Variants in POTEJ observed in about 807,000 individuals in gnomAD.
POTEJ encodes the protein POTE ankyrin domain family, member J.
A neutral mutation model predicts 69.0 loss-of-function variants in POTEJ; 11 were observed. That is an observed-to-expected ratio of 0.16 (90% confidence interval 0.10 to 0.26). POTEJ has a LOEUF of 0.26. Ranked by LOEUF, POTEJ falls within the 10% of genes least tolerant of loss-of-function variation. POTEJ has a pLI of 1.00. For synonymous variants in POTEJ, 117 were observed against 381.1 expected (o/e 0.31, Z 8.07); for missense variants, 327 against 1,045.5 (o/e 0.31, Z 9.48).
At chr2:130,618,554 C>A (rs1685446128) in intron 3 of POTEJ, among the ~76,000 whole-genome samples, 1 of 147,434 alleles carries the variant, frequency 6.8e-6, no homozygotes. Flanking sequence ...GCCTGGTCAA[C>A]ATAATGAGAC....
At chr2:130,634,860 G>A (rs1276041272) in intron 9 of POTEJ, among the ~76,000 whole-genome samples, 40 of 152,018 alleles carry the variant, frequency 2.6e-4, no homozygotes, top group African/African-American at 9.2e-4. Context: ...TCTCACACCG[G>A]CGTCTTCAAT....
intron 10 of POTEJ, among the ~76,000 whole-genome samples, chr2:130,640,801 G>C (rs1573989094): frequency 6.6e-6 from 1 of 152,326 alleles, no homozygotes; most frequent in South Asian, 2.1e-4. Flanking sequence ...TTCTGAGGCT[G>C]AGGAGGGGGA....
chr2:130,613,200 AT>A (rs541918613), intron 1 of POTEJ, among the ~76,000 whole-genome samples: 957 of 146,940 alleles, frequency 6.5e-3, no homozygotes, highest in Admixed American at 0.01. Flanking sequence ...ACCAGAAAAA[AT>A]ATAAATGCCT....
At chr2:130,625,415 A>T (rs1196394256) in intron 6 of POTEJ, among the ~76,000 whole-genome samples, 3 of 151,694 alleles carry the variant, frequency 2.0e-5, no homozygotes, top group Non-Finnish European at 4.4e-5. Flanking sequence ...TTACTACTTT[A>T]TTCAGTGCTT....
rs972621564 is a variant in POTEJ, at chr2:130,633,119, C to T, written c.1298+463C>T. 5.6e-5 allele frequency among the ~76,000 whole-genome samples: 8 copies of T among 143,988 alleles called. 1 individual carries two copies. The highest frequency in any genetic ancestry group is 6.5e-3 in the Middle Eastern group (2 of 306). The allele number at this position is 143,988 out of a possible 152,430, so 94.5% of individuals were successfully genotyped here. ...ATGAGTTCTCATTATTTAGTTCCCA[C>T]TAATGAGTAAGAATATGTGGCATTT... On this transcript the variant is annotated intron_variant, in intron 9 of 14. Coordinates refer to ENST00000409602, the MANE Select transcript of POTEJ (RefSeq NM_001277083.2).
chr2:130,631,719 A>G (rs1425340581), intron 8 of POTEJ, among the ~76,000 whole-genome samples: 1 of 141,868 alleles, frequency 7.0e-6, no homozygotes, highest in African/African-American at 2.8e-5. Flanking sequence ...CTTTGGACCA[A>G]TCATTTTATC....
chr2:130,649,692 C>T (rs1220294095), intron 13 of POTEJ, among the ~76,000 whole-genome samples: 1 of 151,734 alleles, frequency 6.6e-6, no homozygotes, highest in East Asian at 1.9e-4. Flanking sequence ...GGCATGTTAC[C>T]TCTCCTGCTG....
chr2:130,656,827 C>A lies in POTEJ; in HGVS notation c.2067C>A (p.Ala689=), dbSNP rs758245783. 6.2e-6 allele frequency: 10 copies of A among 1,604,454 alleles called. No individual in the cohort carries two copies. The East Asian group carries it at 1.8e-4, about 29-fold the overall frequency. ...MCKAGFAGDD[A]PRAVFPSIVG... is the part of the protein sequence containing the mutation. The stretch of plus-strand genomic sequence containing the variant: ...AGGCCGGCTTTGCGGGCGACGATGC[C>A]CCCCGGGCTGTCTTCCCTTCCATCG... The change falls in exon 15 of 15, where the codon GCC becomes GCA. Residue 689 remains alanine, a synonymous_variant. Coordinates refer to ENST00000409602, the MANE Select transcript of POTEJ (RefSeq NM_001277083.2).
rs185697626 is a variant in POTEJ, at chr2:130,632,822, C to T, written c.1298+166C>T. Among the ~76,000 whole-genome samples, 41 of 143,620 alleles carry T rather than the reference C, an allele frequency of 2.9e-4. No homozygotes were observed. In the East Asian group the frequency reaches 7.9e-3, roughly 28 times the overall value. 94.2% of individuals were successfully genotyped at this position (143,620 alleles called of 152,430 possible). A position where few individuals can be genotyped will look rare whatever the true frequency, so the allele number is the denominator to read the frequency against. ...AGCGAACAATGAGTTACCATTTTTC[C>T]AGTCATTAATTTATTTGAAAAATAA... On this transcript the variant is annotated intron_variant, in intron 9 of 14. Transcript: ENST00000409602.
chr2:130,639,755 C>G (rs1392131650), intron 10 of POTEJ, among the ~76,000 whole-genome samples: 2 of 151,838 alleles, frequency 1.3e-5, no homozygotes, highest in African/African-American at 2.4e-5. Flanking sequence ...AAGGTGCTCA[C>G]AACAGAAGTG....
At chr2:130,628,976 C>T (rs778886300) in intron 6 of POTEJ, among the ~76,000 whole-genome samples, 5,791 of 139,294 alleles carry the variant, frequency 0.042, 61 homozygotes, top group Non-Finnish European at 0.06. Context: ...GCTGAGATTG[C>T]GACACTGCAC....
rs1407577171 is a variant in POTEJ, at chr2:130,637,361, G to A, written c.1299-1258G>A. 2.6e-5 allele frequency among the ~76,000 whole-genome samples: 4 copies of A among 150,960 alleles called. No individual in the cohort carries two copies. The East Asian group carries it at 7.7e-4, about 29-fold the overall frequency. On this transcript the variant is annotated intron_variant, in intron 9 of 14. Transcript: ENST00000409602. ...AGATGGAGTCTCGCTGTATCGCCCA[G>A]GCTGGAGTGCAGTGGCGCGATCTCA...
intron 10 of POTEJ, among the ~76,000 whole-genome samples, chr2:130,639,297 G>A (rs1235615958): frequency 6.6e-6 from 1 of 152,308 alleles, no homozygotes; most frequent in Non-Finnish European, 1.5e-5. Context: ...AGGAATTTTT[G>A]TTCACAAAAG....
intron 1 of POTEJ, among the ~76,000 whole-genome samples, chr2:130,614,152 A>G (rs1238986964): frequency 8.3e-6 from 1 of 120,200 alleles, no homozygotes; most frequent in Non-Finnish European, 1.7e-5. Flanking sequence ...GTGAGACTCC[A>G]TCTCAAAAAA....
chr2:130,636,956 G>C lies in POTEJ; in HGVS notation c.1299-1663G>C, dbSNP rs1686115310. Among the ~76,000 whole-genome samples, 2 of 146,636 alleles carry C rather than the reference G, an allele frequency of 1.4e-5. 1 individual carries two copies. Among genetic ancestry groups the C allele is most frequent in the Non-Finnish European group, 3.1e-5 (2 of 65,372 alleles). ...TAACCGGGTGTGGTGGCATGCGCCT[G>C]TAGTCCCAGCTGCTATGGAGGCTGA... On this transcript the variant is annotated intron_variant, in intron 9 of 14. Coordinates refer to ENST00000409602, the MANE Select transcript of POTEJ (RefSeq NM_001277083.2).
At chr2:130,628,842 A>T in intron 6 of POTEJ, among the ~76,000 whole-genome samples, 1 of 149,898 alleles carries the variant, frequency 6.7e-6, no homozygotes, top group Non-Finnish European at 1.5e-5. Context: ...CAATGGTGAA[A>T]CCCCATCTCT....
intron 9 of POTEJ, among the ~76,000 whole-genome samples, chr2:130,638,019 A>G (rs541557415): frequency 6.7e-6 from 1 of 148,210 alleles, no homozygotes; most frequent in East Asian, 1.9e-4. Flanking sequence ...AGCCATAAAG[A>G]GTAGGACAGC....
At chr2:130,624,754 C>G (rs1269788961) in intron 6 of POTEJ, among the ~76,000 whole-genome samples, 668 of 151,818 alleles carry the variant, frequency 4.4e-3, no homozygotes, top group Non-Finnish European at 9.7e-4. Context: ...CAAAAGAACA[C>G]TGAAGCACAA....
chr2:130,623,873 T>C (rs1311695293), intron 5 of POTEJ, among the ~76,000 whole-genome samples, 191 bp from the exon 6 acceptor site: 3 of 127,364 alleles, frequency 2.4e-5, no homozygotes, highest in African/African-American at 3.5e-5. Context: ...GTATTTCACC[T>C]TACATTTTTT....
Sources: gnomAD v4.1 joint callset for allele counts (sites outside exome capture counted in the v4.1 genomes callset) on GRCh38, gnomAD v4.1.1 for gene constraint, MANE v1.5 for transcripts, NCBI Gene and HGNC (gene_info 2026-07-23, HGNC 2026-07-21) for gene names.